Variants in PHACTR2 observed in about 807,000 individuals in gnomAD.
The protein encoded by PHACTR2 is chromosome 6 open reading frame 56.
PHACTR2 carries 30 observed loss-of-function variants against 76.0 expected under a neutral mutation model. The observed-to-expected ratio is 0.39, with a 90% confidence interval of 0.30 to 0.54. The LOEUF is 0.54. Among genes scored for constraint, PHACTR2 ranks in the 20% least tolerant of loss-of-function variants. The pLI is 0.61. For synonymous variants in PHACTR2, 292 were observed against 292.5 expected (o/e 1.00, Z 0.02); for missense variants, 696 against 781.1 (o/e 0.89, Z 1.30).
intron 1 of PHACTR2, among the ~76,000 whole-genome samples, chr6:143,635,613 T>G (rs1212354661): frequency 6.6e-6 from 1 of 152,172 alleles, no homozygotes; most frequent in African/African-American, 2.4e-5. Context: ...GGCAACCCAA[T>G]AGGTGAAAAA....
chr6:143,704,965 T>C (rs918439559), intron 1 of PHACTR2, among the ~76,000 whole-genome samples: 1 of 150,860 alleles, frequency 6.6e-6, no homozygotes, highest in Admixed American at 6.6e-5. Flanking sequence ...GTAGCGGGAC[T>C]ACACACACGC....
Position 143,618,898 on chromosome 6 carries a change from C to T in PHACTR2, c.13+10576C>T, listed in dbSNP as rs905856645. Among the ~76,000 whole-genome samples, 1 of 152,078 alleles carries T rather than the reference C, an allele frequency of 6.6e-6. No individual in the cohort carries two copies. ...CTTCACGTGCTCCTCAAGAACAGGG[C>T]CACGTCTCCTTCTTGAGCCTTATAC... On this transcript the variant is annotated intron_variant, in intron 1 of 11. Coordinates refer to the PHACTR2 transcript ENST00000305766. The surrounding 1 kb of genome is among the most constrained non-coding windows in gnomAD (Gnocchi z 5.2).
In PHACTR2 at chr6:143,598,784, T is replaced by C. The variant is rs947390329; in HGVS notation, c.217+61577T>C. 6.6e-6 allele frequency among the ~76,000 whole-genome samples: 1 copy of C among 152,144 alleles called. No homozygotes were observed. Among genetic ancestry groups the C allele is most frequent in the Admixed American group, 6.5e-5 (1 of 15,282 alleles). On this transcript the variant is annotated intron_variant, in intron 1 of 11. Coordinates refer to the PHACTR2 transcript ENST00000367584. The surrounding 1 kb of genome is among the most constrained non-coding windows in gnomAD (Gnocchi z 4.1). ...CTTTTTTTATGGCTCCCAGGAACTTTCTATGACCCCCTTAGAGGAATCACT... is the reference window on the plus strand; with the variant it reads ...CTTTTTTTATGGCTCCCAGGAACTTCCTATGACCCCCTTAGAGGAATCACT...
chr6:143,804,230 T>A (rs1445473291), intron 11 of PHACTR2, among the ~76,000 whole-genome samples: 1 of 152,210 alleles, frequency 6.6e-6, no homozygotes, highest in Non-Finnish European at 1.5e-5. Flanking sequence ...CGTCGGTGCC[T>A]TTTGCTCCTT....
intron 1 of PHACTR2, among the ~76,000 whole-genome samples, chr6:143,670,845 A>G (rs986349877): frequency 2.0e-5 from 3 of 151,978 alleles, no homozygotes; most frequent in Admixed American, 6.6e-5. Flanking sequence ...ACTTCTATCA[A>G]TTCATCAAAC....
rs762413867 is a variant in PHACTR2 at position 143,722,843 on chromosome 6, G to A, written c.214+10660G>A. The stretch of plus-strand genomic sequence containing the variant: ...TTTGTTTTAGCTCCCACATATGAGT[G>A]AGAACATGCAACATTTGTCTTTCTG... On this transcript the variant is annotated intron_variant, in intron 2 of 12. Coordinates refer to ENST00000440869, the MANE Select transcript of PHACTR2 (RefSeq NM_001100164.2). This position sits in a 1 kb window ranked among gnomAD's most constrained non-coding sequence, Gnocchi z 4.1. 2.0e-4 allele frequency among the ~76,000 whole-genome samples: 30 copies of A among 152,142 alleles called. No homozygotes were observed. Among genetic ancestry groups the A allele is most frequent in the Non-Finnish European group, 3.8e-4 (26 of 68,036 alleles).
Position 143,646,990 on chromosome 6 carries a change from A to G in PHACTR2, c.13+38668A>G, listed in dbSNP as rs79063375. On this transcript the variant is annotated intron_variant, in intron 1 of 11. Coordinates refer to the PHACTR2 transcript ENST00000305766. This position sits in a 1 kb window ranked among gnomAD's most constrained non-coding sequence, Gnocchi z 4.1. ...AGCCTTGCTTCTAAAGAATTTTAAA[A>G]TGTATTTTTAGCAAGGCTCTAAAGA... 1.6e-3 allele frequency among the ~76,000 whole-genome samples: 241 copies of G among 152,348 alleles called. 3 individuals are homozygous for G. The East Asian group carries it at 0.024, about 15-fold the overall frequency.
chr6:143,789,046 T>G lies in PHACTR2; in HGVS notation c.1845+136T>G. ...CAACAGTTTTCTGCCTCTGATTATT[T>G]AAGCCACTTAAGTGATACATTTAGT... On this transcript the variant is annotated intron_variant, in intron 11 of 12. Transcript: ENST00000440869. The surrounding 1 kb of genome is among the most constrained non-coding windows in gnomAD (Gnocchi z 5.1). The G allele has an allele frequency of 1.5e-6, 1 of 656,254 alleles. No individual in the cohort carries two copies. The highest frequency in any genetic ancestry group is 2.7e-5 in the East Asian group (1 of 36,406). The allele number at this position is 656,254 out of a possible 1,614,324, so 40.7% of individuals were successfully genotyped here. A position where few individuals can be genotyped will look rare whatever the true frequency, so the allele number is the denominator to read the frequency against.
At position 143,621,206 on chromosome 6, in the gene PHACTR2, G is replaced by T. The variant is rs1776146874; in HGVS notation, c.13+12884G>T. Among the ~76,000 whole-genome samples, 1 of 152,188 alleles carries T rather than the reference G, an allele frequency of 6.6e-6. No homozygotes were observed. Among genetic ancestry groups the T allele is most frequent in the Admixed American group, 6.5e-5 (1 of 15,282 alleles). On this transcript the variant is annotated intron_variant, in intron 1 of 11. Coordinates refer to the PHACTR2 transcript ENST00000305766. The surrounding 1 kb of genome is among the most constrained non-coding windows in gnomAD (Gnocchi z 4.1). ...GGAATGTGGACAGATTATAGGGAGA[G>T]ACCAAGGTAGACACCTGGCTTATGA...
intron 2 of PHACTR2, among the ~76,000 whole-genome samples, chr6:143,740,481 A>C (rs1778913594): frequency 6.9e-6 from 1 of 145,326 alleles, no homozygotes. Flanking sequence ...CAAAAACAAA[A>C]CAACTATTAC....
rs1327325018 is a variant in PHACTR2, at chr6:143,617,785, T to C, written c.13+9463T>C. 6.6e-6 allele frequency among the ~76,000 whole-genome samples: 1 copy of C among 152,182 alleles called. No homozygotes were observed. The highest frequency in any genetic ancestry group is 1.5e-5 in the Non-Finnish European group (1 of 68,024). Reference sequence around the variant, plus strand: ...GAGGTGAAATACTGCTTCCAGGCAATGTATCAGGATAGGAACAACGGAAAC... The same window carrying C: ...GAGGTGAAATACTGCTTCCAGGCAACGTATCAGGATAGGAACAACGGAAAC... On this transcript the variant is annotated intron_variant, in intron 1 of 11. Transcript: ENST00000305766. This position sits in a 1 kb window ranked among gnomAD's most constrained non-coding sequence, Gnocchi z 4.8.
At position 143,718,240 on chromosome 6, in the gene PHACTR2, C is replaced by G. The variant is rs114213613; in HGVS notation, c.214+6057C>G. On this transcript the variant is annotated intron_variant, in intron 2 of 12. Coordinates refer to ENST00000440869, the MANE Select transcript of PHACTR2 (RefSeq NM_001100164.2). The stretch of plus-strand genomic sequence containing the variant: ...ATTTTTATTGAATGCTGTTAGGTAC[C>G]AGGTTCTGCTCCAAGAACTTGATTC... 8.0e-3 allele frequency among the ~76,000 whole-genome samples: 1,213 copies of G among 152,174 alleles called. 16 individuals are homozygous for G. Among genetic ancestry groups the G allele is most frequent in the African/African-American group, 0.027 (1,106 of 41,516 alleles).
intron 2 of PHACTR2, among the ~76,000 whole-genome samples, chr6:143,747,752 G>A (rs981573593): frequency 6.6e-6 from 1 of 152,184 alleles, no homozygotes; most frequent in African/African-American, 2.4e-5. Flanking sequence ...TGAACAGAAG[G>A]TCTGGAGGAA....
chr6:143,687,882 G>T (rs1777557979), intron 1 of PHACTR2, among the ~76,000 whole-genome samples: 1 of 152,166 alleles, frequency 6.6e-6, no homozygotes, highest in African/African-American at 2.4e-5. Flanking sequence ...GAGAAGAGTG[G>T]CACCTTCATG....
At chr6:143,666,524 A>T (rs9376777) in intron 1 of PHACTR2, among the ~76,000 whole-genome samples, 70,923 of 151,918 alleles carry the variant, frequency 0.47, 16,518 homozygotes, top group South Asian at 0.59. Flanking sequence ...TGTTTCCACA[A>T]CCTCTCCAGC....
At position 143,788,883 on chromosome 6, in the gene PHACTR2, C is replaced by G. The variant is rs200573017; in HGVS notation, c.1818C>G (p.Pro606=). ...SPDYDRRADK[P]WARLTPADKA... ...ACTATGACCGCCGAGCAGACAAGCC[C>G]TGGGCCAGGTTAACACCTGCAGACA... Residue 606 remains proline (P), a synonymous_variant, in exon 11 of 13, where the codon CCC becomes CCG. Transcript: ENST00000440869. 6.2e-6 allele frequency: 10 copies of G among 1,613,046 alleles called. No homozygotes were observed. In the East Asian group the frequency reaches 2.2e-4, roughly 36 times the overall value.
chr6:143,674,737 G>A (rs1462908604), upstream of PHACTR2, among the ~76,000 whole-genome samples: 1 of 152,196 alleles, frequency 6.6e-6, no homozygotes. The surrounding 1 kb of genome is among the most constrained non-coding windows in gnomAD (Gnocchi z 4.9). Flanking sequence ...TGGCATTTGT[G>A]TTCTGAGGAA....
chr6:143,803,898 G>A lies in PHACTR2; in HGVS notation c.1846-3159G>A, dbSNP rs9386048. ...TATCCTGAGGTAAACAACTGCAGCCGTTAGTGTTGCCAGGCAAATATTCTC... is the reference window on the plus strand; with the variant it reads ...TATCCTGAGGTAAACAACTGCAGCCATTAGTGTTGCCAGGCAAATATTCTC... On this transcript the variant is annotated intron_variant, in intron 11 of 12. Transcript: ENST00000440869. The surrounding 1 kb of genome is among the most constrained non-coding windows in gnomAD (Gnocchi z 4.7). Among the ~76,000 whole-genome samples the A allele has an allele frequency of 0.26, 39,754 of 152,070 alleles. 5,821 individuals carry two copies. Among genetic ancestry groups the A allele is most frequent in the South Asian group, 0.39 (1,872 of 4,814 alleles).
chr6:143,757,475 C>T lies in PHACTR2; in HGVS notation c.455-2926C>T, dbSNP rs551382658. 1.3e-5 allele frequency among the ~76,000 whole-genome samples: 2 copies of T among 152,310 alleles called. No individual in the cohort carries two copies. Among genetic ancestry groups the T allele is most frequent in the East Asian group, 1.9e-4 (1 of 5,184 alleles). On this transcript the variant is annotated intron_variant, in intron 4 of 12. Transcript: ENST00000440869. This position sits in a 1 kb window ranked among gnomAD's most constrained non-coding sequence, Gnocchi z 4.2. Reference sequence around the variant, plus strand: ...AATTGGGTAAGAATTGCATTCTAGGCAGGGTGAGGACCACATGCAGCCCCA... The same window carrying T: ...AATTGGGTAAGAATTGCATTCTAGGTAGGGTGAGGACCACATGCAGCCCCA...
Sources: gnomAD v4.1 joint callset for allele counts (sites outside exome capture counted in the v4.1 genomes callset) on GRCh38, gnomAD v4.1.1 for gene constraint, Gnocchi (gnomAD v3.1) non-coding constraint, MANE v1.5 for transcripts, NCBI Gene and HGNC (gene_info 2026-07-23, HGNC 2026-07-21) for gene names.